The following SLC44A5 variants were observed in gnomAD, a reference collection of about 807,000 sequenced individuals.
SLC44A5 encodes choline transporter-like protein 5.
Under a neutral mutation model 101.8 loss-of-function variants are expected in SLC44A5, and 57 were observed. The observed-to-expected ratio is 0.56, with a 90% CI of 0.45 to 0.70. The LOEUF (loss-of-function observed/expected upper bound fraction) is 0.70, where lower values mean the gene tolerates loss of function less well. Among genes scored for constraint, SLC44A5 ranks in the 30% least tolerant of loss-of-function variants. The probability of loss-of-function intolerance (pLI) is 0.00; values close to 1 mark genes in which losing one functional copy is unlikely to be tolerated. For synonymous variants in SLC44A5, 281 were observed against 290.9 expected (o/e 0.97, Z 0.35); for missense variants, 737 against 853.1 (o/e 0.86, Z 1.70).
At chr1:75,345,904 G>T (rs1658218214) in intron 3 of SLC44A5, among the ~76,000 whole-genome samples, 1 of 152,172 alleles carries the variant, frequency 6.6e-6, no homozygotes, top group African/African-American at 2.4e-5. Flanking sequence ...AATGGCTGTT[G>T]TATTTCAGAC....
In SLC44A5 at chr1:75,217,951, T is replaced by C; in HGVS notation, c.1539A>G (p.Thr513=). 1 of 1,592,672 alleles carries C rather than the reference T, an allele frequency of 6.3e-7. No individual in the cohort carries two copies. The highest frequency in any genetic ancestry group is 8.6e-7 in the Non-Finnish European group (1 of 1,161,046). ...TAFGRAIRYH[T]GSLAFGSLII... ...TTAAAGATCCAAATGCTAGGGATCC[T>C]GTGTGATATCTGCACAAAAATAAAA... is the stretch of plus-strand genomic sequence containing the variant. The change falls in exon 18 of 24, where the codon ACA becomes ACG. Residue 513 remains threonine (T), a synonymous_variant. Coordinates refer to ENST00000370859, the MANE Select transcript of SLC44A5 (RefSeq NM_001130058.2).
chr1:75,587,420 C>A (rs1570682330), intron 1 of SLC44A5, among the ~76,000 whole-genome samples: 1 of 152,146 alleles, frequency 6.6e-6, no homozygotes, highest in Non-Finnish European at 1.5e-5. Context: ...TGTATTCTTA[C>A]CCTGAGCCAA....
intron 1 of SLC44A5, among the ~76,000 whole-genome samples, chr1:75,602,177 G>A (rs751869483): frequency 1.3e-5 from 2 of 151,940 alleles, no homozygotes; most frequent in Non-Finnish European, 2.9e-5. Flanking sequence ...TCTTGACCTC[G>A]GTCAACTTAT....
At chr1:75,254,909 G>A (rs1649887127) in intron 6 of SLC44A5, among the ~76,000 whole-genome samples, 1 of 151,736 alleles carries the variant, frequency 6.6e-6, no homozygotes, top group South Asian at 2.1e-4. Context: ...AACTAAAATT[G>A]CAAAAAAAAA....
At chr1:75,559,028 T>C (rs1672370558) in intron 1 of SLC44A5, among the ~76,000 whole-genome samples, 1 of 152,056 alleles carries the variant, frequency 6.6e-6, no homozygotes, top group African/African-American at 2.4e-5. Flanking sequence ...TGTTATCTAC[T>C]AAGAAAAGTC....
At chr1:75,477,876 C>G (rs868254889) in intron 2 of SLC44A5, among the ~76,000 whole-genome samples, 3,139 of 152,040 alleles carry the variant, frequency 0.021, 112 homozygotes, top group African/African-American at 0.072. Flanking sequence ...GGCAGGCCAA[C>G]ATTCAGATTC....
chr1:75,476,261 T>C (rs116366122), intron 2 of SLC44A5, among the ~76,000 whole-genome samples: 1 of 151,986 alleles, frequency 6.6e-6, no homozygotes, highest in Admixed American at 6.6e-5. Context: ...ACCTACTAAC[T>C]GGGGAGCAGC....
intron 3 of SLC44A5, among the ~76,000 whole-genome samples, chr1:75,368,891 A>G (rs576323808): frequency 1.3e-5 from 2 of 152,384 alleles, no homozygotes; most frequent in African/African-American, 4.8e-5. Context: ...AATACATATT[A>G]AAATGTATCA....
chr1:75,245,814 A>G (rs962579990), intron 7 of SLC44A5, among the ~76,000 whole-genome samples: 1 of 152,158 alleles, frequency 6.6e-6, no homozygotes, highest in African/African-American at 2.4e-5. Flanking sequence ...TTCTCCCTCT[A>G]TCAGACCAAT....
intron 2 of SLC44A5, among the ~76,000 whole-genome samples, chr1:75,401,461 A>G (rs1053991500): frequency 6.6e-6 from 1 of 152,208 alleles, no homozygotes; most frequent in Non-Finnish European, 1.5e-5. Context: ...ACAGCATTTA[A>G]TCTGGAATTT....
the SLC44A5 span, among the ~76,000 whole-genome samples, chr1:75,676,760 G>A: frequency 1.3e-5 from 2 of 151,998 alleles, no homozygotes; most frequent in East Asian, 1.9e-4. Context: ...CAATATCCAA[G>A]TACAAGAAGG....
intron 2 of SLC44A5, among the ~76,000 whole-genome samples, chr1:75,458,034 C>A (rs1666285970): frequency 6.6e-6 from 1 of 152,128 alleles, no homozygotes; most frequent in Admixed American, 6.5e-5. Context: ...ATGAGCCCAG[C>A]ACATAAACAG....
intron 6 of SLC44A5, among the ~76,000 whole-genome samples, 165 bp from the exon 7 acceptor site, chr1:75,251,459 T>C (rs377393225): frequency 3.5e-4 from 53 of 151,502 alleles, no homozygotes; most frequent in African/African-American, 1.0e-3. Flanking sequence ...TTAAAGTATC[T>C]TTTTTTTTAA....
intron 1 of SLC44A5, among the ~76,000 whole-genome samples, chr1:75,561,471 C>A (rs1054949132): frequency 3.9e-5 from 6 of 151,970 alleles, no homozygotes; most frequent in Admixed American, 1.3e-4. Context: ...AGGAAAGGAA[C>A]TTTGGTATTT....
chr1:75,379,444 TGA>T, intron 3 of SLC44A5, among the ~76,000 whole-genome samples: 2 of 61,024 alleles, frequency 3.3e-5, no homozygotes, highest in South Asian at 1.1e-3. Flanking sequence ...ATGAGGCCAT[TGA>T]ACAAGTTAGA....
intron 3 of SLC44A5, among the ~76,000 whole-genome samples, chr1:75,352,235 AG>A (rs1658733944): frequency 6.6e-6 from 1 of 151,956 alleles, no homozygotes; most frequent in Admixed American, 6.6e-5. Context: ...GTATATGTGC[AG>A]GATGTGTAGG....
intron 1 of SLC44A5, among the ~76,000 whole-genome samples, chr1:75,556,713 G>C (rs779791817): frequency 2.0e-5 from 3 of 152,150 alleles, no homozygotes; most frequent in Non-Finnish European, 4.4e-5. Flanking sequence ...AAGGGGATTG[G>C]AGATAGGCAA....
intron 6 of SLC44A5, among the ~76,000 whole-genome samples, chr1:75,255,757 AT>A (rs952973544): frequency 6.6e-6 from 1 of 152,154 alleles, no homozygotes; most frequent in Non-Finnish European, 1.5e-5. Flanking sequence ...TAAAGAAATG[AT>A]TTTAAGTACT....
chr1:75,451,997 A>C (rs1665934206), intron 2 of SLC44A5, among the ~76,000 whole-genome samples: 2 of 152,174 alleles, frequency 1.3e-5, no homozygotes, highest in African/African-American at 4.8e-5. Context: ...ATTTATAAAT[A>C]TTTCCCTACT....
Sources: gnomAD v4.1 joint callset for allele counts (sites outside exome capture counted in the v4.1 genomes callset) on GRCh38, gnomAD v4.1.1 for gene constraint, MANE v1.5 for transcripts, NCBI Gene and HGNC (gene_info 2026-07-23, HGNC 2026-07-21) for gene names.